NT5E: variants seen among roughly 807,000 people sequenced by gnomAD.
The protein encoded by NT5E is 5'-nucleotidase.
NT5E carries 53 observed loss-of-function variants against 55.1 expected under a neutral mutation model. The ratio of observed to expected loss-of-function variants is 0.96; its 90% CI spans 0.77 to 1.21. The LOEUF (loss-of-function observed/expected upper bound fraction) is 1.21. Among genes scored for constraint, NT5E ranks in the 50% most tolerant of loss-of-function variants. The probability of loss-of-function intolerance (pLI) is 0.00; values close to 1 mark genes in which losing one functional copy is unlikely to be tolerated. For synonymous variants in NT5E, 270 were observed against 278.4 expected (o/e 0.97, Z 0.30); for missense variants, 683 against 724.3 (o/e 0.94, Z 0.65).
chr6:85,461,192 C>T (rs991027365), intron 1 of NT5E, among the ~76,000 whole-genome samples: 4 of 152,132 alleles, frequency 2.6e-5, no homozygotes, highest in African/African-American at 9.7e-5. Context: ...AGAGTTAAAT[C>T]CTGAGGCTGG....
chr6:85,469,523 G>A lies in NT5E; in HGVS notation c.563-1714G>A, dbSNP rs565080299. ...TAAGGCTGTGGAGAAGAATTAAGCA[G>A]GAGGGGAATGGCAAGTGCAGCAGGG... On this transcript the variant is annotated intron_variant, in intron 2 of 8. Coordinates refer to ENST00000257770, the MANE Select transcript of NT5E (RefSeq NM_002526.4). Among the ~76,000 whole-genome samples, 10 of 152,310 alleles carry A rather than the reference G, an allele frequency of 6.6e-5. 1 individual carries two copies. In the East Asian group the frequency reaches 1.9e-3, roughly 29 times the overall value.
At chr6:85,476,109 C>T (rs1769430217) in intron 3 of NT5E, among the ~76,000 whole-genome samples, 1 of 152,206 alleles carries the variant, frequency 6.6e-6, no homozygotes. Context: ...TTCTGCTCCA[C>T]TCCAGCTCCT....
intron 4 of NT5E, 118 bp from the exon 5 acceptor site, chr6:85,487,217 A>C: frequency 9.9e-7 from 1 of 1,013,628 alleles, no homozygotes; most frequent in Non-Finnish European, 1.5e-6. Flanking sequence ...AAATGCACAC[A>C]AATATGGTAA....
intron 3 of NT5E, among the ~76,000 whole-genome samples, chr6:85,480,357 G>T (rs1220164189): frequency 6.6e-6 from 1 of 152,182 alleles, no homozygotes; most frequent in South Asian, 2.1e-4. Flanking sequence ...CATAGTCTGG[G>T]CATAGATAAC....
chr6:85,470,336 T>A (rs954568144), intron 2 of NT5E, among the ~76,000 whole-genome samples: 1 of 152,208 alleles, frequency 6.6e-6, no homozygotes, highest in African/African-American at 2.4e-5. Context: ...TACCACTATG[T>A]GCAGTAATAA....
intron 3 of NT5E, among the ~76,000 whole-genome samples, chr6:85,474,722 A>C (rs934370364): frequency 1.3e-5 from 2 of 152,218 alleles, no homozygotes; most frequent in Non-Finnish European, 2.9e-5. Flanking sequence ...TGAGCCCAGG[A>C]GTTCGAGACC....
Position 85,489,751 on chromosome 6 carries a change from T to C in NT5E, c.1210+152T>C. ...GAATGTCAGTCCTTTAAATTAGGGTTAGCCATTATTAAAGTCTAAAACCTA... is the reference window on the plus strand; with the variant it reads ...GAATGTCAGTCCTTTAAATTAGGGTCAGCCATTATTAAAGTCTAAAACCTA... On this transcript the variant is annotated intron_variant, in intron 6 of 8. Coordinates refer to ENST00000257770, the MANE Select transcript of NT5E (RefSeq NM_002526.4). The C allele has an allele frequency of 5.8e-6, 4 of 690,630 alleles. No homozygotes were observed. In the South Asian group the frequency reaches 6.2e-5, roughly 11 times the overall value. The allele number at this position is 690,630 out of a possible 1,614,324, so 42.8% of individuals were successfully genotyped here.
chr6:85,458,243 C>T (rs745699535), intron 1 of NT5E, among the ~76,000 whole-genome samples: 3 of 152,072 alleles, frequency 2.0e-5, no homozygotes, highest in Non-Finnish European at 4.4e-5. Context: ...CAACAACAAC[C>T]AAAAAAGTAA....
intron 5 of NT5E, 89 bp downstream of exon 5, chr6:85,487,578 T>A: frequency 6.6e-7 from 1 of 1,510,934 alleles, no homozygotes; most frequent in Non-Finnish European, 9.2e-7. Context: ...GATAGATCGA[T>A]AGCTACAGAA....
chr6:85,488,583 A>T (rs58938020), intron 5 of NT5E, among the ~76,000 whole-genome samples: 8,282 of 151,928 alleles, frequency 0.055, 522 homozygotes, highest in East Asian at 0.2. Context: ...TTAATTAATT[A>T]ATTTATTTAT....
rs1432554926 is a variant in NT5E at position 85,450,822 on chromosome 6, G to T, written c.339+344G>T. On this transcript the variant is annotated intron_variant, in intron 1 of 8. Transcript: ENST00000257770. This position sits in a 1 kb window ranked among gnomAD's most constrained non-coding sequence, Gnocchi z 4.0. ...CTCACGCAGCTCTCATTTACTGCTA[G>T]ATCTTTCAAAGAATGCTTTATCTCA... is the stretch of plus-strand genomic sequence containing the variant. 6.6e-6 allele frequency among the ~76,000 whole-genome samples: 1 copy of T among 152,202 alleles called. No individual in the cohort carries two copies. The highest frequency in any genetic ancestry group is 1.9e-4 in the East Asian group (1 of 5,196).
At chr6:85,461,040 C>T (rs1261931073) in intron 1 of NT5E, among the ~76,000 whole-genome samples, 1 of 152,244 alleles carries the variant, frequency 6.6e-6, no homozygotes, top group Non-Finnish European at 1.5e-5. Context: ...AGCAGTCCCT[C>T]TCCCTGTTAT....
At chr6:85,478,730 T>C (rs1769484748) in intron 3 of NT5E, among the ~76,000 whole-genome samples, 1 of 150,834 alleles carries the variant, frequency 6.6e-6, no homozygotes, top group Non-Finnish European at 1.5e-5. Context: ...CTGTTAAATA[T>C]ATTTATATAT....
At chr6:85,451,429 T>C (rs533921920) in intron 1 of NT5E, among the ~76,000 whole-genome samples, 1 of 152,256 alleles carries the variant, frequency 6.6e-6, no homozygotes, top group African/African-American at 2.4e-5. Flanking sequence ...GCCTTTTCTA[T>C]TGCACTAAAT....
chr6:85,492,246 G>T, intron 8 of NT5E, 69 bp downstream of exon 8: 1 of 1,449,124 alleles, frequency 6.9e-7, no homozygotes. Context: ...AGCTACTAGT[G>T]GTGCCAGGAG....
chr6:85,471,736 C>T (rs1483453100), intron 3 of NT5E: 1 of 154,330 alleles, frequency 6.5e-6, no homozygotes, highest in Non-Finnish European at 1.4e-5. Context: ...CTATTGAGCC[C>T]CAACCAAGTC....
chr6:85,472,307 A>C (rs947305724), intron 3 of NT5E, among the ~76,000 whole-genome samples: 4 of 152,242 alleles, frequency 2.6e-5, no homozygotes, highest in African/African-American at 9.6e-5. Context: ...ATTTTGATAA[A>C]AGCGAAACTC....
chr6:85,465,084 G>A (rs1769164004), intron 1 of NT5E, among the ~76,000 whole-genome samples: 1 of 152,168 alleles, frequency 6.6e-6, no homozygotes, highest in African/African-American at 2.4e-5. Flanking sequence ...GTAGGAATGA[G>A]ATCATTTACT....
rs1582391148 is a variant in NT5E at position 85,494,909 on chromosome 6, A to G, written c.*905A>G. On this transcript the variant is annotated 3_prime_UTR_variant, in exon 9 of 9. Coordinates refer to ENST00000257770, the MANE Select transcript of NT5E (RefSeq NM_002526.4). ...ACACATGTTAAACAGATACTTGTTA[A>G]GCATAGTGCCTGACACACGGCATTA... The G allele has an allele frequency of 6.6e-6, 1 of 151,996 alleles. No individual in the cohort carries two copies. Among genetic ancestry groups the G allele is most frequent in the East Asian group, 1.9e-4 (1 of 5,178 alleles). 9.4% of individuals were successfully genotyped at this position (151,996 alleles called of 1,614,324 possible). A position where few individuals can be genotyped will look rare whatever the true frequency, so the allele number is the denominator to read the frequency against.
Sources: allele counts gnomAD v4.1 joint callset (sites outside exome capture counted in the v4.1 genomes callset), GRCh38; gene constraint gnomAD v4.1.1; non-coding constraint Gnocchi (gnomAD v3.1); transcripts MANE v1.5; gene names NCBI Gene and HGNC (gene_info 2026-07-23, HGNC 2026-07-21).